SCTR: variants seen among roughly 807,000 people sequenced by gnomAD.
The protein encoded by SCTR is secretin receptor, also known as pancreatic secretin receptor.
SCTR carries 56 observed loss-of-function variants against 60.8 expected under a neutral mutation model. The ratio of observed to expected loss-of-function variants is 0.92; its 90% CI spans 0.74 to 1.15. SCTR has a LOEUF of 1.15. Ranked by LOEUF, SCTR falls within the 50% of genes most tolerant of loss-of-function variation. The probability of loss-of-function intolerance (pLI) is 0.00; values close to 1 mark genes in which losing one functional copy is unlikely to be tolerated. For synonymous variants in SCTR, 202 were observed against 217.0 expected (o/e 0.93, Z 0.61); for missense variants, 562 against 550.4 (o/e 1.02, Z -0.21).
chr2:119,508,842 C>G (rs565388569), intron 1 of SCTR, among the ~76,000 whole-genome samples: 1 of 152,172 alleles, frequency 6.6e-6, no homozygotes, highest in African/African-American at 2.4e-5. Flanking sequence ...CACTTAAAAT[C>G]TACTCTCTAA....
At position 119,444,453 on chromosome 2, in the gene SCTR, G is replaced by A. The variant is rs1344447010; in HGVS notation, c.1140+2306C>T. ...TGAATATACACATATATATACGTAC[G>A]TATATATATACACATATATACGTAC... On this transcript the variant is annotated intron_variant, in intron 11 of 12. Coordinates refer to ENST00000019103, the MANE Select transcript of SCTR (RefSeq NM_002980.3). Among the ~76,000 whole-genome samples the A allele has an allele frequency of 8.5e-5, 9 of 106,192 alleles. 3 individuals are homozygous for A. Among genetic ancestry groups the A allele is most frequent in the Admixed American group, 4.6e-4 (5 of 10,982 alleles). The allele number at this position is 106,192 out of a possible 152,430, so 69.7% of individuals were successfully genotyped here. A position where few individuals can be genotyped will look rare whatever the true frequency, so the allele number is the denominator to read the frequency against.
chr2:119,499,175 T>C (rs528179495), intron 1 of SCTR, among the ~76,000 whole-genome samples: 11 of 152,076 alleles, frequency 7.2e-5, no homozygotes, highest in Non-Finnish European at 1.5e-4. Context: ...AAAAAATACA[T>C]AGCAATGGTA....
intron 5 of SCTR, among the ~76,000 whole-genome samples, chr2:119,465,047 A>C (rs1407017483): frequency 6.6e-6 from 1 of 152,200 alleles, no homozygotes; most frequent in Non-Finnish European, 1.5e-5. Context: ...TGGGAAACCC[A>C]TTCCAGCTCT....
At chr2:119,447,010 A>T in intron 10 of SCTR, 125 bp from the exon 11 acceptor site, 2 of 1,020,366 alleles carry the variant, frequency 2.0e-6, no homozygotes, top group Non-Finnish European at 1.3e-6. Flanking sequence ...CAGTACCCCA[A>T]ACTTTTTTGT....
chr2:119,479,443 G>T, intron 2 of SCTR: 1 of 185,612 alleles, frequency 5.4e-6, no homozygotes, highest in Non-Finnish European at 1.0e-5. Context: ...TGACTGCAGG[G>T]TTGAGAACTC....
At chr2:119,451,267 T>C (rs1683153856) in intron 9 of SCTR, among the ~76,000 whole-genome samples, 1 of 152,200 alleles carries the variant, frequency 6.6e-6, no homozygotes, top group Non-Finnish European at 1.5e-5. Context: ...ATGATTCCTG[T>C]GTGTCCCCAT....
intron 11 of SCTR, among the ~76,000 whole-genome samples, chr2:119,444,292 CATAT>C (rs1491273561): frequency 2.8e-5 from 4 of 140,674 alleles, no homozygotes; most frequent in African/African-American, 1.1e-4. Flanking sequence ...AATATATACA[CATAT>C]ATACGTATGA....
intron 1 of SCTR, among the ~76,000 whole-genome samples, chr2:119,518,731 C>A (rs565524535): frequency 6.6e-6 from 1 of 152,318 alleles, no homozygotes; most frequent in South Asian, 2.1e-4. Flanking sequence ...TTGCTAAGAG[C>A]AGGGATGCAG....
intron 12 of SCTR, among the ~76,000 whole-genome samples, chr2:119,441,143 A>G (rs1682642869): frequency 6.6e-6 from 1 of 152,212 alleles, no homozygotes; most frequent in Admixed American, 6.5e-5. Context: ...ACATATGGGC[A>G]GACTGAGGCC....
At chr2:119,492,270 T>C (rs1001434834) in intron 2 of SCTR, among the ~76,000 whole-genome samples, 2 of 152,194 alleles carry the variant, frequency 1.3e-5, no homozygotes, top group Non-Finnish European at 2.9e-5. Context: ...ATGCAACAAA[T>C]AAATTCCTGT....
chr2:119,441,663 G>A, intron 11 of SCTR, 64 bp from the exon 12 acceptor site: 12 of 1,424,288 alleles, frequency 8.4e-6, no homozygotes, highest in Non-Finnish European at 1.2e-5. Flanking sequence ...GAACCAGCTG[G>A]CCAGCTGCAC....
At chr2:119,514,398 T>C (rs1679048838) in intron 1 of SCTR, among the ~76,000 whole-genome samples, 1 of 152,154 alleles carries the variant, frequency 6.6e-6, no homozygotes, top group African/African-American at 2.4e-5. Flanking sequence ...CTATGGAGCA[T>C]CCATATACTA....
chr2:119,477,437 T>TTTTGTTTGTTTGTTTGTTTG (rs72343036), intron 3 of SCTR, among the ~76,000 whole-genome samples: 9 of 151,130 alleles, frequency 6.0e-5, no homozygotes, highest in African/African-American at 2.2e-4. Flanking sequence ...TCTGGACGTT[T>TTTTGTTTGTTTGTTTGTTTG]TTTGTTTGTT....
At chr2:119,464,821 G>C (rs1332725126) in intron 5 of SCTR, among the ~76,000 whole-genome samples, 1 of 152,198 alleles carries the variant, frequency 6.6e-6, no homozygotes, top group East Asian at 1.9e-4. Context: ...TGTTTTGGGG[G>C]AGGGGTGAGG....
At chr2:119,498,656 C>T (rs1325293626) in intron 1 of SCTR, among the ~76,000 whole-genome samples, 1 of 151,982 alleles carries the variant, frequency 6.6e-6, no homozygotes, top group Non-Finnish European at 1.5e-5. Flanking sequence ...CATGAGAACA[C>T]CAGTAGCCTA....
At chr2:119,462,792 C>T (rs1179719181) in intron 6 of SCTR, among the ~76,000 whole-genome samples, 1 of 152,226 alleles carries the variant, frequency 6.6e-6, no homozygotes, top group African/African-American at 2.4e-5. Context: ...CCCGGTGCTG[C>T]CTGGGGACAG....
In SCTR at chr2:119,441,563, C is replaced by A. The variant is rs762653686; in HGVS notation, c.1177G>T (p.Gly393Trp). The A allele has an allele frequency of 2.5e-5, 40 of 1,612,652 alleles. No homozygotes were observed. The highest frequency in any genetic ancestry group is 5.0e-5 in the Admixed American group (3 of 59,964). Residue 393 changes from glycine (G) to tryptophan (W), a missense_variant, in exon 12 of 13, where the codon GGG (glycine) becomes TGG (tryptophan). By Grantham distance (184) the Gly-to-Trp change is radical. Transcript: ENST00000019103. The part of the protein sequence containing the change: ...VVAVLYCFLN[G>W]EVQLEVQKKW... ...GGTGACCCAAGACTACTCACCTCCCCATTGAGGAAGCAGTAGAGGACGGCC... is the reference window on the plus strand; with the variant it reads ...GGTGACCCAAGACTACTCACCTCCCAATTGAGGAAGCAGTAGAGGACGGCC...
At chr2:119,494,640 G>C in intron 1 of SCTR, 92 bp from the exon 2 acceptor site, 2 of 1,374,010 alleles carry the variant, frequency 1.5e-6, no homozygotes, top group South Asian at 2.5e-5. Context: ...AGATTCAATG[G>C]GGATTCAAGT....
chr2:119,450,193 T>C (rs932975268), intron 9 of SCTR, among the ~76,000 whole-genome samples: 11 of 152,076 alleles, frequency 7.2e-5, no homozygotes, highest in Non-Finnish European at 1.3e-4. Context: ...AGAAAGTCTT[T>C]AAGTTCCCAA....
Sources: gnomAD v4.1 joint callset for allele counts (sites outside exome capture counted in the v4.1 genomes callset) on GRCh38, gnomAD v4.1.1 for gene constraint, MANE v1.5 for transcripts, NCBI Gene and HGNC (gene_info 2026-07-23, HGNC 2026-07-21) for gene names.